CARD10: variants seen among roughly 807,000 people sequenced by gnomAD.
The protein encoded by CARD10 is caspase recruitment domain-containing protein 10.
Under a neutral mutation model 114.6 loss-of-function variants are expected in CARD10, and 49 were observed. The ratio of observed to expected loss-of-function variants is 0.43; its 90% CI spans 0.34 to 0.54. CARD10 has a LOEUF of 0.54. Among genes scored for constraint, CARD10 ranks in the 20% least tolerant of loss-of-function variants. The pLI, the probability that CARD10 is intolerant of heterozygous loss-of-function variation, is 0.03. For missense variants in CARD10, 1,206 were observed against 1,397.2 expected, an observed-to-expected ratio of 0.86 and a Z score of 2.18; for synonymous variants, 602 against 593.2, an observed-to-expected ratio of 1.01 and a Z score of -0.21.
At position 37,495,817 on chromosome 22, in the gene CARD10, C is replaced by T. The variant is rs1569162625; in HGVS notation, c.2246G>A (p.Arg749Gln). 2.5e-6 allele frequency: 4 copies of T among 1,614,046 alleles called. No homozygotes were observed. Among genetic ancestry groups the T allele is most frequent in the Non-Finnish European group, 3.4e-6 (4 of 1,180,028 alleles). ...GTCCCGCAGAGTGAGGGGGTCAACC[C>T]GGGTGCAGAACCATTCCTGCCTCCG... is the stretch of plus-strand genomic sequence containing the variant. ...YKRRQEWFCTRVDPLTLRDLD... is the reference protein window; with the variant it reads ...YKRRQEWFCTQVDPLTLRDLD... The change falls in exon 14 of 20, where the codon CGG (arginine) becomes CAG (glutamine). Residue 749 changes from arginine to glutamine, a missense_variant. By Grantham distance (43) the Arg-to-Gln change is conservative (BLOSUM62 1). Around this residue, in one of 2 missense-constraint regions of CARD10, gnomAD observed 1,068 missense variants for 1,179.1 expected, o/e 0.91. Coordinates refer to ENST00000251973, the MANE Select transcript of CARD10 (RefSeq NM_014550.4).
Position 37,496,506 on chromosome 22 carries a change from G to C in CARD10, c.2002C>G (p.Gln668Glu). The change falls in exon 13 of 20, where the codon CAG (glutamine) becomes GAG (glutamate). Residue 668 changes from glutamine (Q) to glutamate (E), a missense_variant. By Grantham distance (29) the Gln-to-Glu change is conservative (BLOSUM62 2). Around this residue, in one of 2 missense-constraint regions of CARD10, gnomAD observed 1,068 missense variants for 1,179.1 expected, o/e 0.91. Transcript: ENST00000251973. The surrounding 1 kb of genome is among the most constrained non-coding windows in gnomAD (Gnocchi z 4.1). ...CCCTGATTCCAGAGCAAGGTTCTCT[G>C]CTGGGCCTCGGCTTCCAGGCACGCC... ...EGACLEAEAQQRTLLWNQGST... is the reference protein window; with the variant it reads ...EGACLEAEAQERTLLWNQGST... 6.2e-7 allele frequency: 1 copy of C among 1,613,866 alleles called. No individual in the cohort carries two copies. The highest frequency in any genetic ancestry group is 8.5e-7 in the Non-Finnish European group (1 of 1,179,948).
intron 15 of CARD10, 139 bp from the exon 16 acceptor site, chr22:37,494,327 G>A: frequency 1.6e-6 from 1 of 619,862 alleles, no homozygotes; most frequent in East Asian, 2.7e-5. Context: ...GGTCAGCAAA[G>A]ATGTCCTTCT....
In CARD10 at chr22:37,491,030, G is replaced by A; in HGVS notation, c.*129C>T. 4.0e-6 allele frequency: 3 copies of A among 748,256 alleles called. No individual in the cohort carries two copies. The highest frequency in any genetic ancestry group is 2.5e-5 in the Admixed American group (1 of 39,920). 46.4% of individuals were successfully genotyped at this position (748,256 alleles called of 1,614,324 possible). On this transcript the variant is annotated 3_prime_UTR_variant, in exon 20 of 20. Coordinates refer to ENST00000251973, the MANE Select transcript of CARD10 (RefSeq NM_014550.4). ...CCAGAGACAGCCTTGGGGGTGAGAG[G>A]CCAGAGCCAAGGGCCCTGCATCTGA...
chr22:37,503,641 T>A (rs1215720087), intron 9 of CARD10, among the ~76,000 whole-genome samples: 1 of 152,120 alleles, frequency 6.6e-6, no homozygotes, highest in Non-Finnish European at 1.5e-5. Flanking sequence ...AAGGCCATAC[T>A]GACCACAGCC....
chr22:37,491,252 C>T lies in CARD10; in HGVS notation c.3006G>A (p.Lys1002=). 6.4e-7 allele frequency: 1 copy of T among 1,567,416 alleles called. No individual in the cohort carries two copies. Among genetic ancestry groups the T allele is most frequent in the South Asian group, 1.2e-5 (1 of 85,738 alleles). ...HEWGHAEELA[K]VVRGRILQEQ... ...CCTGCAGGATGCGGCCGCGCACCACCTTGGCCAGCTCCTCTGCGTGTCCCC... is the reference window on the plus strand; with the variant it reads ...CCTGCAGGATGCGGCCGCGCACCACTTTGGCCAGCTCCTCTGCGTGTCCCC... The change falls in exon 20 of 20, where the codon AAG becomes AAA. Residue 1002 remains lysine (K), a synonymous_variant. Transcript: ENST00000251973.
At position 37,494,091 on chromosome 22, in the gene CARD10, C is replaced by T. The variant is rs761653269; in HGVS notation, c.2471G>A (p.Cys824Tyr). The change falls in exon 16 of 20, where the codon TGT becomes TAT. Residue 824 changes from cysteine (C) to tyrosine (Y), a missense_variant. By Grantham distance (194) the Cys-to-Tyr change is radical. Around this residue, in one of 2 missense-constraint regions of CARD10, gnomAD observed 1,068 missense variants for 1,179.1 expected, o/e 0.91. Transcript: ENST00000251973. Reference sequence around the variant, plus strand: ...CTTTGCCCCCGCGCACTCACCTGCACAGGGCTCCAGCAGCAGCTGATCCGG... The same window carrying T: ...CTTTGCCCCCGCGCACTCACCTGCATAGGGCTCCAGCAGCAGCTGATCCGG... The part of the protein sequence containing the change: ...DSPDQLLLEP[C>Y]AEPERSLRPY... 2.1e-5 allele frequency: 33 copies of T among 1,554,396 alleles called. No homozygotes were observed. The highest frequency in any genetic ancestry group is 3.3e-4 in the Middle Eastern group (2 of 5,988).
intron 15 of CARD10, chr22:37,494,391 G>A: frequency 1.7e-6 from 1 of 589,208 alleles, no homozygotes; most frequent in South Asian, 2.0e-5. Flanking sequence ...CCAGGCAGAT[G>A]AGAGCAGCCA....
chr22:37,504,646 G>A lies in CARD10; in HGVS notation c.1507C>T (p.Pro503Ser). Residue 503 changes from proline (P) to serine (S), a missense_variant, in exon 8 of 20, where the codon CCT becomes TCT. By Grantham distance (74) the Pro-to-Ser change is moderately conservative. Coordinates refer to ENST00000251973, the MANE Select transcript of CARD10 (RefSeq NM_014550.4). ...GEAAVMGGPE[P>S]HNSEEATDSE... ...GGCAGTTGTCTTACCGAGTTGTGAG[G>A]CTCAGGTCCCCCCATGACAGCTGCC... 1 of 1,506,302 alleles carries A rather than the reference G, an allele frequency of 6.6e-7. No homozygotes were observed. The highest frequency in any genetic ancestry group is 8.9e-7 in the Non-Finnish European group (1 of 1,129,778). The allele number at this position is 1,506,302 out of a possible 1,614,324, so 93.3% of individuals were successfully genotyped here.
intron 15 of CARD10, 89 bp from the exon 16 acceptor site, chr22:37,494,277 C>T: frequency 1.2e-6 from 1 of 843,680 alleles, no homozygotes; most frequent in East Asian, 2.7e-5. Flanking sequence ...GCACAGCGGG[C>T]CCCACTGCCA....
At chr22:37,516,681 AAT>A (rs1232413011) in intron 2 of CARD10, among the ~76,000 whole-genome samples, 1 of 152,230 alleles carries the variant, frequency 6.6e-6, no homozygotes, top group South Asian at 2.1e-4. Context: ...CCAAAATAAA[AAT>A]AGTTAATAAA....
Position 37,508,653 on chromosome 22 carries a change from G to A in CARD10, c.939C>T (p.Ser313=), listed in dbSNP as rs371566823. ...CTAGGATGTCCAGCAGGATGCGCTC[G>A]GAGCCCGGGGCCCCCGGCCGGCTCG... is the stretch of plus-strand genomic sequence containing the variant. ...QEASRPGAPG[S]ERILLDILEH... The change falls in exon 5 of 20, where the codon TCC becomes TCT. Residue 313 remains serine (S), a synonymous_variant. Coordinates refer to ENST00000251973, the MANE Select transcript of CARD10 (RefSeq NM_014550.4). The A allele has an allele frequency of 3.8e-5, 60 of 1,577,644 alleles. No individual in the cohort carries two copies. Among genetic ancestry groups the A allele is most frequent in the Admixed American group, 1.8e-4 (10 of 55,796 alleles).
intron 11 of CARD10, among the ~76,000 whole-genome samples, chr22:37,497,550 C>T (rs1305981822): frequency 6.6e-6 from 1 of 152,168 alleles, no homozygotes; most frequent in African/African-American, 2.4e-5. Flanking sequence ...GTGTCTGGCA[C>T]ATAGCAGATG....
At chr22:37,502,057 G>A (rs1479087582) in intron 11 of CARD10, among the ~76,000 whole-genome samples, 3 of 152,194 alleles carry the variant, frequency 2.0e-5, no homozygotes, top group South Asian at 2.1e-4. Context: ...GCCACGCACC[G>A]GCCACACTAA....
At position 37,492,270 on chromosome 22, in the gene CARD10, G is replaced by A. The variant is rs1290689825; in HGVS notation, c.2751+165C>T. Among the ~76,000 whole-genome samples the A allele has an allele frequency of 6.6e-6, 1 of 152,226 alleles. No individual in the cohort carries two copies. Among genetic ancestry groups the A allele is most frequent in the Non-Finnish European group, 1.5e-5 (1 of 68,034 alleles). On this transcript the variant is annotated intron_variant, in intron 18 of 19. Coordinates refer to ENST00000251973, the MANE Select transcript of CARD10 (RefSeq NM_014550.4). The surrounding 1 kb of genome is among the most constrained non-coding windows in gnomAD (Gnocchi z 5.7). Reference sequence around the variant, plus strand: ...CTGCCCCCACCCACCCAGGCAACAGGTGAGGAAACTGAAGGCCACAGGAGG... The same window carrying A: ...CTGCCCCCACCCACCCAGGCAACAGATGAGGAAACTGAAGGCCACAGGAGG...
chr22:37,492,841 G>A lies in CARD10; in HGVS notation c.2477-39C>T, dbSNP rs541283118. 1 of 1,594,352 alleles carries A rather than the reference G, an allele frequency of 6.3e-7. No homozygotes were observed. Among genetic ancestry groups the A allele is most frequent in the Non-Finnish European group, 8.5e-7 (1 of 1,173,600 alleles). ...GGGGCGCAAAAGAGATAAGGGCACAGGCAGGCAGCATACCAGCTCGTCGAT... is the reference window on the plus strand; with the variant it reads ...GGGGCGCAAAAGAGATAAGGGCACAAGCAGGCAGCATACCAGCTCGTCGAT... On this transcript the variant is annotated intron_variant, in intron 16 of 19. Coordinates refer to ENST00000251973, the MANE Select transcript of CARD10 (RefSeq NM_014550.4). The surrounding 1 kb of genome is among the most constrained non-coding windows in gnomAD (Gnocchi z 5.7).
In CARD10 at chr22:37,495,785, G is replaced by A. The variant is rs566109287; in HGVS notation, c.2278C>T (p.Arg760Trp). The A allele has an allele frequency of 1.9e-5, 31 of 1,613,820 alleles. No individual in the cohort carries two copies. The highest frequency in any genetic ancestry group is 2.2e-5 in the Non-Finnish European group (26 of 1,180,034). The change falls in exon 14 of 20, where the codon CGG (arginine) becomes TGG (tryptophan). Residue 760 changes from arginine (R) to tryptophan (W), a missense_variant. Arg to Trp is a moderately radical substitution (Grantham distance 101). This residue lies in a region of CARD10 where 1,068 missense variants were observed against 1,179.1 expected (regional missense o/e 0.91). Transcript: ENST00000251973. The part of the protein sequence containing the change: ...VDPLTLRDLD[R>W]GTVPNYQRAQ... ...CTCTGATAATTGGGCACGGTGCCCC[G>A]GTCCAGGTCCCGCAGAGTGAGGGGG...
At chr22:37,497,999 G>C (rs1036307470) in intron 11 of CARD10, among the ~76,000 whole-genome samples, 2 of 152,222 alleles carry the variant, frequency 1.3e-5, no homozygotes, top group African/African-American at 4.8e-5. Flanking sequence ...CTACACGCTG[G>C]TGAAGAATAG....
Position 37,519,276 on chromosome 22 carries a change from A to G in CARD10, c.-76T>C. On this transcript the variant is annotated 5_prime_UTR_variant, in exon 1 of 20. Transcript: ENST00000251973. This position sits in a 1 kb window ranked among gnomAD's most constrained non-coding sequence, Gnocchi z 4.1. The stretch of plus-strand genomic sequence containing the variant: ...GCTCCCTAGGGCTAGATGTGCGGCC[A>G]AGCACCCCCGGGGCGTCGTCCGCAG... 1 of 1,387,030 alleles carries G rather than the reference A, an allele frequency of 7.2e-7. No homozygotes were observed. The highest frequency in any genetic ancestry group is 2.9e-5 in the East Asian group (1 of 34,236). 85.9% of individuals were successfully genotyped at this position (1,387,030 alleles called of 1,614,324 possible). A position where few individuals can be genotyped will look rare whatever the true frequency, so the allele number is the denominator to read the frequency against.
chr22:37,497,404 G>A (rs925891254), intron 11 of CARD10, among the ~76,000 whole-genome samples: 1 of 152,114 alleles, frequency 6.6e-6, no homozygotes, highest in Non-Finnish European at 1.5e-5. Context: ...CTGGGCACAC[G>A]GTGCAGTGGA....
Sources: allele counts gnomAD v4.1 joint callset (sites outside exome capture counted in the v4.1 genomes callset), GRCh38; gene constraint gnomAD v4.1.1; regional missense constraint gnomAD v4.1.1; non-coding constraint Gnocchi (gnomAD v3.1); transcripts MANE v1.5; gene names NCBI Gene and HGNC (gene_info 2026-07-23, HGNC 2026-07-21).